The following EEF2KMT variants were observed in gnomAD, a reference collection of about 807,000 sequenced individuals.
EEF2KMT encodes protein-lysine N-methyltransferase EEF2KMT.
In EEF2KMT, 30 loss-of-function variants were observed where a neutral mutation model predicts 35.1. That is an observed-to-expected ratio of 0.85 (90% CI 0.64 to 1.16). EEF2KMT has a LOEUF of 1.16. Ranked by LOEUF, EEF2KMT falls within the 50% of genes most tolerant of loss-of-function variation. The pLI is 0.00. For missense variants in EEF2KMT, 499 were observed against 438.2 expected (o/e 1.14, Z -1.24); for synonymous variants, 190 against 187.7 (o/e 1.01, Z -0.10).
At chr16:5,087,619 G>C (rs62036248) in intron 7 of EEF2KMT, among the ~76,000 whole-genome samples, 1 of 151,924 alleles carries the variant, frequency 6.6e-6, no homozygotes, top group Non-Finnish European at 1.5e-5. Context: ...CCAACATGGC[G>C]AAACCTCAAC....
chr16:5,087,540 C>G lies in EEF2KMT; in HGVS notation c.892+1567G>C, dbSNP rs574356733. On this transcript the variant is annotated intron_variant, in intron 7 of 7. Transcript: ENST00000427587. Reference sequence around the variant, plus strand: ...GGGGTTGGGCGCAGTAGCTCACGCCCGTATTCCTAACACTTTGGGAGGCTG... The same window carrying G: ...GGGGTTGGGCGCAGTAGCTCACGCCGGTATTCCTAACACTTTGGGAGGCTG... 1.3e-4 allele frequency among the ~76,000 whole-genome samples: 20 copies of G among 152,206 alleles called. 1 individual carries two copies. The South Asian group carries it at 4.1e-3, about 32-fold the overall frequency.
intron 1 of EEF2KMT, among the ~76,000 whole-genome samples, chr16:5,095,991 C>A (rs998352569): frequency 2.0e-5 from 3 of 152,146 alleles, no homozygotes; most frequent in Non-Finnish European, 2.9e-5. Context: ...CTTCAGAGCT[C>A]CCTCCATGCC....
chr16:5,089,382 T>G (rs1312624244), intron 6 of EEF2KMT, 126 bp from the exon 7 acceptor site: 14 of 1,325,540 alleles, frequency 1.1e-5, no homozygotes, highest in Admixed American at 4.5e-5. Context: ...ATTTGACCAT[T>G]TGGGCCATTA....
Position 5,090,163 on chromosome 16 carries a change from C to T in EEF2KMT, c.663G>A (p.Val221=). 1.9e-6 allele frequency: 3 copies of T among 1,611,546 alleles called. No individual in the cohort carries two copies. The highest frequency in any genetic ancestry group is 2.2e-5 in the East Asian group (1 of 44,880). ...DITAKLDSPR[V]TVAQLDWDVA... ...CGTCCCAGTCCAGCTGGGCCACTGT[C>T]ACCCTGGGGCTGTCTAACTTGGCAG... is the stretch of plus-strand genomic sequence containing the variant. The change falls in exon 6 of 8, where the codon GTG becomes GTA. Residue 221 remains valine (V), a synonymous_variant. Transcript: ENST00000427587. The surrounding 1 kb of genome is among the most constrained non-coding windows in gnomAD (Gnocchi z 4.1).
chr16:5,093,419 C>T (rs2878068), intron 3 of EEF2KMT, 65 bp downstream of exon 3: 26 of 1,608,996 alleles, frequency 1.6e-5, no homozygotes, highest in South Asian at 2.2e-5. Context: ...CTGGGAAGGA[C>T]GGGGGCTCCA....
At chr16:5,095,799 A>G (rs909065659) in intron 1 of EEF2KMT, among the ~76,000 whole-genome samples, 5 of 135,238 alleles carry the variant, frequency 3.7e-5, no homozygotes, top group Non-Finnish European at 6.4e-5. Context: ...AGGAATTACC[A>G]GGGCAGCCAT....
At chr16:5,089,075 C>G in intron 7 of EEF2KMT, 32 bp downstream of exon 7, 3 of 1,611,490 alleles carry the variant, frequency 1.9e-6, no homozygotes, top group Non-Finnish European at 2.5e-6. Flanking sequence ...AGCTCAGGGA[C>G]CATGCAGGCC....
intron 4 of EEF2KMT, among the ~76,000 whole-genome samples, chr16:5,091,467 G>A (rs1379412738): frequency 4.0e-5 from 6 of 151,392 alleles, no homozygotes; most frequent in Admixed American, 2.0e-4. Flanking sequence ...CAACCACTTC[G>A]GCCTCCCAAA....
chr16:5,094,299 G>A (rs1266330980), intron 2 of EEF2KMT, among the ~76,000 whole-genome samples: 2 of 152,194 alleles, frequency 1.3e-5, no homozygotes, highest in Non-Finnish European at 2.9e-5. Flanking sequence ...GTCTCGCCCT[G>A]TTGCCCAGGC....
chr16:5,091,838 G>C lies in EEF2KMT; in HGVS notation c.298C>G (p.Leu100Val), dbSNP rs774064810. 15 of 1,611,936 alleles carry C rather than the reference G, an allele frequency of 9.3e-6. 1 individual carries two copies. The highest frequency in any genetic ancestry group is 6.6e-5 in the South Asian group (6 of 90,992). Reference sequence around the variant, plus strand: ...CCCTGGGTGGACTCCTTGGCCATCAGGGTCTCCGCCAGCGCTTCATACAGC... The same window carrying C: ...CCCTGGGTGGACTCCTTGGCCATCACGGTCTCCGCCAGCGCTTCATACAGC... ...DELYEALAETLMAKESTQGHR... is the reference protein window; with the variant it reads ...DELYEALAETVMAKESTQGHR... The change falls in exon 4 of 8, where the codon CTG (leucine) becomes GTG (valine). Residue 100 changes from leucine (L) to valine (V), a missense_variant. Coordinates refer to ENST00000427587, the MANE Select transcript of EEF2KMT (RefSeq NM_201400.4).
chr16:5,087,490 T>C (rs1010057850), intron 7 of EEF2KMT: 3 of 152,174 alleles, frequency 2.0e-5, no homozygotes, highest in African/African-American at 7.2e-5. Context: ...GTGTGGGTGA[T>C]TATTATTAGT....
At position 5,085,291 on chromosome 16, in the gene EEF2KMT, G is replaced by A; in HGVS notation, c.*341C>T. 2.0e-6 allele frequency: 1 copy of A among 490,336 alleles called. No homozygotes were observed. 30.4% of individuals were successfully genotyped at this position (490,336 alleles called of 1,614,324 possible). A position where few individuals can be genotyped will look rare whatever the true frequency, so the allele number is the denominator to read the frequency against. ...GCCCAGGGATGTGGCAGCTGCAGTGGGCTTGGCTTTGTGAGGAACTGAGTG... is the reference window on the plus strand; with the variant it reads ...GCCCAGGGATGTGGCAGCTGCAGTGAGCTTGGCTTTGTGAGGAACTGAGTG... On this transcript the variant is annotated 3_prime_UTR_variant, in exon 8 of 8. Coordinates refer to ENST00000427587, the MANE Select transcript of EEF2KMT (RefSeq NM_201400.4).
At chr16:5,097,462 G>A in intron 1 of EEF2KMT, 182 bp downstream of exon 1, 11 of 1,412,600 alleles carry the variant, frequency 7.8e-6, no homozygotes, top group Non-Finnish European at 1.0e-5. Flanking sequence ...TCGCGGGGCA[G>A]GAGGGGTGCG....
At chr16:5,088,934 G>GC (rs1239070837) in intron 7 of EEF2KMT, among the ~76,000 whole-genome samples, 173 bp downstream of exon 7, 1 of 152,178 alleles carries the variant, frequency 6.6e-6, no homozygotes, top group Non-Finnish European at 1.5e-5. Context: ...CCTGCCGCAA[G>GC]CCCCCCACGC....
intron 7 of EEF2KMT, 38 bp from the exon 8 acceptor site, chr16:5,085,770 T>C (rs780942739): frequency 2.0e-6 from 3 of 1,497,186 alleles, no homozygotes; most frequent in South Asian, 2.3e-5. Flanking sequence ...ATGGCGGTGT[T>C]TGGGGACAGG....
In EEF2KMT at chr16:5,085,040, C is replaced by G; in HGVS notation, c.*592G>C. The G allele has an allele frequency of 7.2e-7, 1 of 1,383,344 alleles. No homozygotes were observed. The highest frequency in any genetic ancestry group is 9.9e-7 in the Non-Finnish European group (1 of 1,010,308). 85.7% of individuals were successfully genotyped at this position (1,383,344 alleles called of 1,614,324 possible). ...TGGTAAAAGAATTGGTTCTGTGACC[C>G]GGGAAGCTTTGGTTGGCCTTGATTT... On this transcript the variant is annotated 3_prime_UTR_variant, in exon 8 of 8. Transcript: ENST00000427587.
intron 2 of EEF2KMT, 59 bp from the exon 3 acceptor site, chr16:5,093,623 T>C (rs1196401684): frequency 1.2e-6 from 2 of 1,609,228 alleles, no homozygotes; most frequent in African/African-American, 2.7e-5. Context: ...TCCTATGAGC[T>C]TCAAGCCAAC....
rs150724883 is a variant in EEF2KMT at position 5,096,786 on chromosome 16, C to T, written c.96+858G>A. Reference sequence around the variant, plus strand: ...TTGAGGGTGAGCCCAAGTTAGCATTCAGCGTGGGCATGTGAACAATTACAG... The same window carrying T: ...TTGAGGGTGAGCCCAAGTTAGCATTTAGCGTGGGCATGTGAACAATTACAG... On this transcript the variant is annotated intron_variant, in intron 1 of 7. Coordinates refer to ENST00000427587, the MANE Select transcript of EEF2KMT (RefSeq NM_201400.4). Among the ~76,000 whole-genome samples the T allele has an allele frequency of 4.0e-3, 606 of 152,330 alleles. 4 individuals carry two copies. The highest frequency in any genetic ancestry group is 0.014 in the African/African-American group (591 of 41,568).
At chr16:5,093,425 C>A (rs548617309) in intron 3 of EEF2KMT, 59 bp downstream of exon 3, 18 of 1,610,212 alleles carry the variant, frequency 1.1e-5, no homozygotes, top group South Asian at 9.9e-5. Context: ...AGGACGGGGG[C>A]TCCAGCACGC....
Sources: gnomAD v4.1 joint callset for allele counts (sites outside exome capture counted in the v4.1 genomes callset) on GRCh38, gnomAD v4.1.1 for gene constraint, Gnocchi (gnomAD v3.1) non-coding constraint, MANE v1.5 for transcripts, NCBI Gene and HGNC (gene_info 2026-07-23, HGNC 2026-07-21) for gene names.